CLCN5: variants seen among roughly 807,000 people sequenced by gnomAD.
CLCN5 encodes the protein Cl-/H+ antiporter 5.
CLCN5 carries 17 observed loss-of-function variants against 54.0 expected under a neutral mutation model. The ratio of observed to expected loss-of-function variants is 0.31; its 90% CI spans 0.22 to 0.47. CLCN5 has a LOEUF of 0.47. Ranked by LOEUF, CLCN5 falls within the 20% of genes least tolerant of loss-of-function variation. CLCN5 has a pLI of 1.00. For synonymous variants in CLCN5, 222 were observed against 233.0 expected (o/e 0.95, Z 0.43); for missense variants, 448 against 646.7 (o/e 0.69, Z 3.33).
At chrX:49,952,664 T>C (rs997459917) in intron 3 of CLCN5, among the ~76,000 whole-genome samples, 7 of 111,805 alleles carry the variant, frequency 6.3e-5, no homozygotes, top group Non-Finnish European at 1.3e-4. Context: ...GATACTCTTA[T>C]AGAATGTTAC....
At chrX:49,945,604 G>GTTT (rs1162822439) in intron 3 of CLCN5, among the ~76,000 whole-genome samples, 12 of 71,127 alleles carry the variant, frequency 1.7e-4, no homozygotes, top group Non-Finnish European at 2.3e-4. Flanking sequence ...CGCCCAGCTA[G>GTTT]TTTTTTTTTT....
chrX:50,050,474 A>G (rs1864497484), intron 4 of CLCN5: 1 of 111,170 alleles, frequency 9.0e-6, no homozygotes, highest in African/African-American at 3.3e-5. Flanking sequence ...GATGTTGAAC[A>G]TCTTTTCACG....
chrX:49,974,603 C>T (rs1928391443), intron 3 of CLCN5, among the ~76,000 whole-genome samples: 1 of 111,746 alleles, frequency 8.9e-6, no homozygotes, highest in African/African-American at 3.3e-5. Context: ...TATTCAAAGT[C>T]ACCCAGCCCT....
rs202133052 is a variant in CLCN5 at position 49,941,172 on chromosome X, A to AG, written c.16+15858_16+15859insG. ...ACTCCATCTCTATAAAAATACAAAAACTAGCCAGGCGTGGTGGTGCATGCC... is the reference window on the plus strand; with the variant it reads ...ACTCCATCTCTATAAAAATACAAAAAGCTAGCCAGGCGTGGTGGTGCATGCC... On this transcript the variant is annotated intron_variant, in intron 3 of 14. Coordinates refer to ENST00000376091, the MANE Select transcript of CLCN5 (RefSeq NM_001127898.4). Among the ~76,000 whole-genome samples the AG allele has an allele frequency of 7.2e-3, 791 of 109,836 alleles. 12 individuals carry two copies. Among genetic ancestry groups the AG allele is most frequent in the African/African-American group, 0.025 (767 of 30,153 alleles).
At chrX:49,974,316 G>C (rs782767448) in intron 3 of CLCN5, among the ~76,000 whole-genome samples, 11 of 111,444 alleles carry the variant, frequency 9.9e-5, no homozygotes, top group African/African-American at 3.3e-4. Flanking sequence ...AGAAAAGTAA[G>C]TGTGGCTCTT....
chrX:49,923,642 G>T (rs1287970933), intron 2 of CLCN5, 160 bp downstream of exon 2: 1 of 112,294 alleles, frequency 8.9e-6, no homozygotes, highest in Non-Finnish European at 1.9e-5. Flanking sequence ...TTAACTGCAC[G>T]CGAAATAGGA....
intron 3 of CLCN5, among the ~76,000 whole-genome samples, chrX:49,967,383 C>T (rs1557175666): frequency 7.4e-5 from 5 of 67,727 alleles, no homozygotes; most frequent in Non-Finnish European, 1.2e-4. Context: ...ATGAGCATTT[C>T]TTCATGTGTT....
chrX:49,949,959 A>G (rs1212849610), intron 3 of CLCN5, among the ~76,000 whole-genome samples: 1 of 112,283 alleles, frequency 8.9e-6, no homozygotes, highest in East Asian at 2.8e-4. Context: ...ATGCAAGAAT[A>G]TTCAATGTTA....
At chrX:50,066,967 A>G (rs1225747747) in intron 4 of CLCN5, among the ~76,000 whole-genome samples, 1 of 111,953 alleles carries the variant, frequency 8.9e-6, no homozygotes, top group Non-Finnish European at 1.9e-5. Flanking sequence ...TATTAAGTGA[A>G]CACTCAGGTA....
intron 14 of CLCN5, 23 bp from the exon 15 acceptor site, chrX:50,092,106 T>G: frequency 8.8e-7 from 1 of 1,134,052 alleles, no homozygotes; most frequent in Non-Finnish European, 1.2e-6. Flanking sequence ...TTTTTGTTTT[T>G]TTGTATTGTG....
intron 3 of CLCN5, chrX:50,009,750 G>A (rs1182809784): frequency 5.2e-6 from 2 of 384,776 alleles, no homozygotes; most frequent in African/African-American, 5.1e-5. Flanking sequence ...TTTGTCCCTG[G>A]GTGAGAGTGC....
At chrX:49,942,339 G>T (rs1226866822) in intron 3 of CLCN5, among the ~76,000 whole-genome samples, 1 of 106,822 alleles carries the variant, frequency 9.4e-6, no homozygotes, top group East Asian at 2.9e-4. Flanking sequence ...AACTCTTCCA[G>T]CTAATAAAGG....
intron 4 of CLCN5, among the ~76,000 whole-genome samples, chrX:50,066,201 G>GAAAAAAAAAAAA (rs1557190826): frequency 1.3e-5 from 1 of 78,099 alleles, no homozygotes; most frequent in African/African-American, 8.9e-5. Flanking sequence ...AAATTCCAGA[G>GAAAAAAAAAAAA]CAAAAAAAAA....
intron 3 of CLCN5, among the ~76,000 whole-genome samples, chrX:49,948,163 T>A (rs1457606708): frequency 9.1e-6 from 1 of 110,311 alleles, no homozygotes; most frequent in East Asian, 2.8e-4. Flanking sequence ...GCTTCACCTT[T>A]TTTTTTTTTT....
In CLCN5 at chrX:50,098,114, T is replaced by A. The variant is rs1057515947; in HGVS notation, c.*5895T>A. 2.7e-5 allele frequency: 3 copies of A among 112,683 alleles called. No homozygotes were observed. Among genetic ancestry groups the A allele is most frequent in the Non-Finnish European group, 5.6e-5 (3 of 53,333 alleles). 9.3% of individuals were successfully genotyped at this position (112,683 alleles called of 1,213,427 possible). On this transcript the variant is annotated 3_prime_UTR_variant, in exon 15 of 15. Transcript: ENST00000376091. Reference sequence around the variant, plus strand: ...TTCCTGGCTTTTTAGCACTCAGCTTTTTTTTATAAGTATGTATTTACTTTT... The same window carrying A: ...TTCCTGGCTTTTTAGCACTCAGCTTATTTTTATAAGTATGTATTTACTTTT...
Position 50,090,898 on chromosome X carries a change from TGAGTG to T in CLCN5, c.2360+13_2360+17del, listed in dbSNP as rs1557194739. 1 of 1,164,102 alleles carries T rather than the reference TGAGTG, an allele frequency of 8.6e-7. No individual in the cohort carries two copies. Among genetic ancestry groups the T allele is most frequent in the African/African-American group, 1.8e-5 (1 of 56,015 alleles). On this transcript the variant is annotated intron_variant, in intron 14 of 14. Transcript: ENST00000376091. ...GTTACACACAACGGGTAAGAAGTCT[TGAGTG>T]AAGTCAAATTGAATTGTGGGAGAAA...
intron 3 of CLCN5, among the ~76,000 whole-genome samples, chrX:50,033,298 C>T (rs1931815545): frequency 9.0e-6 from 1 of 111,652 alleles, no homozygotes; most frequent in African/African-American, 3.3e-5. Context: ...TCTCCTTAAG[C>T]TGATAAGCAA....
At position 50,034,177 on chromosome X, in the gene CLCN5, A is replaced by G. The variant is rs184691735; in HGVS notation, c.17-8139A>G. On this transcript the variant is annotated intron_variant, in intron 3 of 14. Coordinates refer to ENST00000376091, the MANE Select transcript of CLCN5 (RefSeq NM_001127898.4). ...AAGTAACTAAAACTGGAAATGGAGT[A>G]TAAGCTAGATTATTTTCTGAGCCCT... Among the ~76,000 whole-genome samples the G allele has an allele frequency of 4.0e-3, 446 of 112,216 alleles. 2 individuals carry two copies. Among genetic ancestry groups the G allele is most frequent in the Non-Finnish European group, 7.2e-3 (382 of 53,233 alleles).
chrX:50,083,812 TA>T (rs1179396108), intron 9 of CLCN5, among the ~76,000 whole-genome samples: 1 of 112,284 alleles, frequency 8.9e-6, no homozygotes, highest in Non-Finnish European at 1.9e-5. Context: ...GAAATTTTTT[TA>T]AAAAAATATT....
Sources: gnomAD v4.1 joint callset for allele counts (sites outside exome capture counted in the v4.1 genomes callset) on GRCh38, gnomAD v4.1.1 for gene constraint, MANE v1.5 for transcripts, NCBI Gene and HGNC (gene_info 2026-07-23, HGNC 2026-07-21) for gene names.